EHMT2: variants seen among roughly 807,000 people sequenced by gnomAD.
The protein encoded by EHMT2 is euchromatic histone lysine methyltransferase 2.
EHMT2 carries 59 observed loss-of-function variants against 143.3 expected under a neutral mutation model. The ratio of observed to expected loss-of-function variants is 0.41; its 90% CI spans 0.33 to 0.51. The LOEUF is 0.51. Ranked by LOEUF, EHMT2 falls within the 20% of genes least tolerant of loss-of-function variation. The pLI is 0.18. For missense variants in EHMT2, 1,174 were observed against 1,645.9 expected (o/e 0.71, Z 4.96); for synonymous variants, 604 against 651.5 (o/e 0.93, Z 1.11).
In EHMT2 at chr6:31,889,329, C is replaced by A; in HGVS notation, c.1013G>T (p.Gly338Val). The A allele has an allele frequency of 6.2e-7, 1 of 1,612,050 alleles. No individual in the cohort carries two copies. The highest frequency in any genetic ancestry group is 8.5e-7 in the Non-Finnish European group (1 of 1,179,964). Residue 338 changes from glycine to valine, a missense_variant, in exon 9 of 28, where the codon GGC becomes GTC. This residue lies in a region of EHMT2 where 608 missense variants were observed against 903.7 expected (regional missense o/e 0.67). Transcript: ENST00000375537. The surrounding 1 kb of genome is among the most constrained non-coding windows in gnomAD (Gnocchi z 5.1). Reference sequence around the variant, plus strand: ...CCATTTCTTCTTGGCCTTGCGCCGGCCACTGGAACCACTCTGGGAAGGGGG... The same window carrying A: ...CCATTTCTTCTTGGCCTTGCGCCGGACACTGGAACCACTCTGGGAAGGGGG...
chr6:31,887,934 G>C (rs1170514747), exon 14 of EHMT2: 2 of 1,600,502 alleles, frequency 1.2e-6, no homozygotes, highest in South Asian at 2.2e-5. Context: ...GCGGGCGCCG[G>C]GGTTCCCCAT....
rs755294222 is a variant in EHMT2 at position 31,889,390 on chromosome 6, C to T, written c.1000-48G>A. 8 of 1,607,864 alleles carry T rather than the reference C, an allele frequency of 5.0e-6. No individual in the cohort carries two copies. The highest frequency in any genetic ancestry group is 2.2e-5 in the East Asian group (1 of 44,814). On this transcript the variant is annotated intron_variant, in intron 8 of 27. Transcript: ENST00000375537. The surrounding 1 kb of genome is among the most constrained non-coding windows in gnomAD (Gnocchi z 5.1). ...GTTAGGAACCCTCACCCCCAGGGGC[C>T]CCCCCAACACCTTCAGGACCAGACC...
rs1488946385 is a variant in EHMT2, at chr6:31,880,302, C to G, written c.3453-38G>C. The G allele has an allele frequency of 6.3e-7, 1 of 1,594,442 alleles. No individual in the cohort carries two copies. Among genetic ancestry groups the G allele is most frequent in the Non-Finnish European group, 8.6e-7 (1 of 1,166,260 alleles). On this transcript the variant is annotated intron_variant, in intron 27 of 27. Transcript: ENST00000375537. This position sits in a 1 kb window ranked among gnomAD's most constrained non-coding sequence, Gnocchi z 6.6. ...AACAGGAGCTTGTGGGACCTGGACC[C>G]AGCCACCAAGAGCCCACCCCGAAGA... is the stretch of plus-strand genomic sequence containing the variant.
Position 31,889,865 on chromosome 6 carries a change from A to G in EHMT2, c.865-263T>C, listed in dbSNP as rs1765460963. On this transcript the variant is annotated intron_variant, in intron 7 of 27. Coordinates refer to ENST00000375537, the Ensembl canonical transcript of EHMT2. This position sits in a 1 kb window ranked among gnomAD's most constrained non-coding sequence, Gnocchi z 5.1. Reference sequence around the variant, plus strand: ...AAAAACAAAAAGCAAGTACCAGAAGATAAACATACTTTGATACCCCTTTTA... The same window carrying G: ...AAAAACAAAAAGCAAGTACCAGAAGGTAAACATACTTTGATACCCCTTTTA... Among the ~76,000 whole-genome samples, 1 of 152,228 alleles carries G rather than the reference A, an allele frequency of 6.6e-6. No individual in the cohort carries two copies. The highest frequency in any genetic ancestry group is 2.1e-4 in the South Asian group (1 of 4,832).
chr6:31,892,658 C>T (rs769036610), intron 6 of EHMT2, 36 bp downstream of exon 6: 2 of 1,612,874 alleles, frequency 1.2e-6, no homozygotes, highest in Non-Finnish European at 1.7e-6. Flanking sequence ...CTCAGAGCAG[C>T]CCCCGAGGGG....
Position 31,882,944 on chromosome 6 carries a change from C to T in EHMT2, c.3060G>A (p.Ala1020=), listed in dbSNP as rs760156327. ...TCTTGCAGTTTCTCCAGCATGAGCA[C>T]GCCTGGTTACACTCGAAAATCAGCG... Residue 1020 remains alanine (A), a synonymous_variant, in exon 24 of 28, where the codon GCG becomes GCA. Transcript: ENST00000375537. 1.2e-5 allele frequency: 19 copies of T among 1,612,820 alleles called. No homozygotes were observed. The highest frequency in any genetic ancestry group is 6.6e-5 in the South Asian group (6 of 91,080).
intron 3 of EHMT2, 40 bp from the exon 4 acceptor site, chr6:31,896,556 G>A (rs754042002): frequency 4.4e-6 from 7 of 1,603,956 alleles, no homozygotes; most frequent in South Asian, 3.3e-5. Context: ...AAGAAAGAAG[G>A]CAAGAGTCAG....
At chr6:31,893,165 A>G in intron 4 of EHMT2, 1 of 536,714 alleles carries the variant, frequency 1.9e-6, no homozygotes, top group Non-Finnish European at 3.3e-6. Flanking sequence ...ACAAAGCTTA[A>G]TAAAGTTAAA....
exon 18 of EHMT2, chr6:31,886,631 C>T (rs1000996521): frequency 6.2e-7 from 1 of 1,613,500 alleles, no homozygotes; most frequent in Non-Finnish European, 8.5e-7. Flanking sequence ...CTGACCATCT[C>T]CAAGTTCCCG....
Position 31,883,567 on chromosome 6 carries a change from T to C in EHMT2, c.2917-128A>G. 1.8e-6 allele frequency: 2 copies of C among 1,086,600 alleles called. No individual in the cohort carries two copies. The highest frequency in any genetic ancestry group is 2.6e-5 in the East Asian group (1 of 39,110). 67.3% of individuals were successfully genotyped at this position (1,086,600 alleles called of 1,614,324 possible). ...CATGTGTTACAACAGTGGGTGGTGA[T>C]GGTCCTAGGGTGACGGGTAATCAGT... On this transcript the variant is annotated intron_variant, in intron 22 of 27. Transcript: ENST00000375537. This position sits in a 1 kb window ranked among gnomAD's most constrained non-coding sequence, Gnocchi z 5.6.
At chr6:31,897,291 C>T (rs1170755204) in intron 1 of EHMT2, 2 of 731,452 alleles carry the variant, frequency 2.7e-6, no homozygotes, top group African/African-American at 1.8e-5. Context: ...CGCCGCTCCC[C>T]CTTTGTCCCC....
At chr6:31,896,949 T>C in exon 2 of EHMT2, 1 of 1,591,856 alleles carries the variant, frequency 6.3e-7, no homozygotes, top group Non-Finnish European at 8.5e-7. Context: ...TCTGGTTTCC[T>C]TCTCCAGCAG....
rs11961987 is a variant in EHMT2, at chr6:31,888,892, T to C, written c.1216+77A>G. 1.7e-4 allele frequency: 258 copies of C among 1,493,638 alleles called. 1 individual carries two copies. The African/African-American group carries it at 3.1e-3, about 18-fold the overall frequency. 92.5% of individuals were successfully genotyped at this position (1,493,638 alleles called of 1,614,324 possible). On this transcript the variant is annotated intron_variant, in intron 10 of 27. Transcript: ENST00000375537. This position sits in a 1 kb window ranked among gnomAD's most constrained non-coding sequence, Gnocchi z 7.4. ...GGCCATGGACACCCCGGCTCTGGCG[T>C]GGTTCCCCTCCTTCCCTTTCCCTCC...
chr6:31,891,077 G>C (rs1165391231), intron 7 of EHMT2, among the ~76,000 whole-genome samples: 1 of 151,864 alleles, frequency 6.6e-6, no homozygotes, highest in African/African-American at 2.4e-5. Context: ...CGAGTAGCTG[G>C]AATTACAGGC....
intron 1 of EHMT2, chr6:31,897,209 G>A: frequency 8.0e-7 from 1 of 1,251,278 alleles, no homozygotes; most frequent in Non-Finnish European, 1.0e-6. Context: ...GCATCTCTGG[G>A]GCCGAGAGAA....
In EHMT2 at chr6:31,896,522, AAACAG is replaced by A; in HGVS notation, c.329-11_329-7del. ...GAATGACTTTGTGGCATGGCCTAGA[AAACAG>A]GCAAGCAAAAGGCAAGATAAGAAAG... is the stretch of plus-strand genomic sequence containing the variant. On this transcript the variant is annotated splice_region_variant and splice_polypyrimidine_tract_variant and intron_variant, in intron 3 of 27. Transcript: ENST00000375537. 6.2e-7 allele frequency: 1 copy of A among 1,612,270 alleles called. No individual in the cohort carries two copies. The highest frequency in any genetic ancestry group is 8.5e-7 in the Non-Finnish European group (1 of 1,179,584).
rs1446579159 is a variant in EHMT2 at position 31,887,116 on chromosome 6, C to T, written c.2012-15G>A. ...CAGGTTGTCCACTGCGGGGAGAGCC[C>T]GCCACACCGGGAGAGGGAGGGACAA... On this transcript the variant is annotated splice_polypyrimidine_tract_variant and intron_variant, in intron 15 of 27. Transcript: ENST00000375537. The T allele has an allele frequency of 5.7e-6, 9 of 1,584,518 alleles. No homozygotes were observed. Among genetic ancestry groups the T allele is most frequent in the South Asian group, 2.3e-5 (2 of 88,138 alleles).
At position 31,884,483 on chromosome 6, in the gene EHMT2, G is replaced by A. The variant is rs763693858; in HGVS notation, c.2680C>T (p.Arg894Cys). 2.0e-5 allele frequency: 33 copies of A among 1,612,828 alleles called. No individual in the cohort carries two copies. The South Asian group carries it at 3.2e-4, about 16-fold the overall frequency. Reference sequence around the variant, plus strand: ...TGAAGCGCAAACCACACGTCGGAGCGCTCGGGAGTCAGGTCCCATGCTGTG... The same window carrying A: ...TGAAGCGCAAACCACACGTCGGAGCACTCGGGAGTCAGGTCCCATGCTGTG... Residue 894 changes from arginine to cysteine, a missense_variant, in exon 21 of 28, where the codon CGC (arginine) becomes TGC (cysteine). Physicochemically the swap from Arg to Cys is radical, Grantham distance 180. Transcript: ENST00000375537. This position sits in a 1 kb window ranked among gnomAD's most constrained non-coding sequence, Gnocchi z 7.3.
At chr6:31,892,986 CG>C in intron 4 of EHMT2, 76 bp from the exon 5 acceptor site, 1 of 970,482 alleles carries the variant, frequency 1.0e-6, no homozygotes. Context: ...GAGCCCCAGG[CG>C]GGGGTGGGGT....
Sources: gnomAD v4.1 joint callset for allele counts (sites outside exome capture counted in the v4.1 genomes callset) on GRCh38, gnomAD v4.1.1 for gene constraint, gnomAD v4.1.1 regional missense constraint, Gnocchi (gnomAD v3.1) non-coding constraint, MANE v1.5 for transcripts, NCBI Gene and HGNC (gene_info 2026-07-23, HGNC 2026-07-21) for gene names.